DBF4B: variants seen among roughly 807,000 people sequenced by gnomAD.
The protein encoded by DBF4B is protein DBF4 homolog B.
Under a neutral mutation model 53.4 loss-of-function variants are expected in DBF4B, and 49 were observed. The observed-to-expected ratio is 0.92, with a 90% CI of 0.73 to 1.16. The LOEUF (loss-of-function observed/expected upper bound fraction) is 1.16, where lower values mean the gene tolerates loss of function less well. Ranked by LOEUF, DBF4B falls within the 50% of genes most tolerant of loss-of-function variation. The pLI is 0.00. For missense variants in DBF4B, 692 were observed against 775.0 expected (o/e 0.89, Z 1.27); for synonymous variants, 257 against 288.7 (o/e 0.89, Z 1.11).
chr17:44,713,871 T>C (rs1435721656), intron 2 of DBF4B, among the ~76,000 whole-genome samples: 1 of 152,166 alleles, frequency 6.6e-6, no homozygotes, highest in Non-Finnish European at 1.5e-5. Flanking sequence ...CTAGGCCTAT[T>C]GCACTGATTT....
intron 3 of DBF4B, among the ~76,000 whole-genome samples, chr17:44,726,242 G>T (rs927092426): frequency 3.3e-5 from 5 of 151,914 alleles, no homozygotes; most frequent in Non-Finnish European, 7.4e-5. Flanking sequence ...ACCCACCTCA[G>T]CCTCCCAAAG....
rs752916508 is a variant in DBF4B at position 44,747,398 on chromosome 17, A to G, written c.947A>G (p.Gln316Arg). 5 of 1,613,978 alleles carry G rather than the reference A, an allele frequency of 3.1e-6. No individual in the cohort carries two copies. The South Asian group carries it at 4.4e-5, about 14-fold the overall frequency. Residue 316 changes from glutamine (Q) to arginine (R), a missense_variant, in exon 12 of 14, where the codon CAG (glutamine) becomes CGG (arginine). Gln to Arg is a conservative substitution (Grantham distance 43). Transcript: ENST00000315005. Reference sequence around the variant, plus strand: ...CCTCTCCCCCGCCGGCAGCATCTTCAGAGTGCCCAGCACCGGAGCTTTGCC... The same window carrying G: ...CCTCTCCCCCGCCGGCAGCATCTTCGGAGTGCCCAGCACCGGAGCTTTGCC... Reference protein sequence around the residue: ...EAFEELHVHLQSAQHRSFALE... With the variant: ...EAFEELHVHLRSAQHRSFALE...
chr17:44,743,663 T>A (rs1567672264), intron 10 of DBF4B, among the ~76,000 whole-genome samples: 3 of 144,974 alleles, frequency 2.1e-5, no homozygotes. Context: ...TAGGCAGGAG[T>A]GCAGTGGCGT....
At chr17:44,723,931 G>A (rs946732729) in intron 3 of DBF4B, among the ~76,000 whole-genome samples, 3 of 152,014 alleles carry the variant, frequency 2.0e-5, no homozygotes, top group Non-Finnish European at 4.4e-5. Flanking sequence ...GCAACATGGC[G>A]AGAGCCCGTC....
intron 3 of DBF4B, among the ~76,000 whole-genome samples, chr17:44,725,131 A>C (rs1598792754): frequency 6.6e-6 from 1 of 151,706 alleles, no homozygotes; most frequent in African/African-American, 2.4e-5. Flanking sequence ...AAAAAAAAAA[A>C]AAAAAAAACA....
rs570175255 is a variant in DBF4B at position 44,740,375 on chromosome 17, G to T, written c.714-961G>T. 2.6e-5 allele frequency among the ~76,000 whole-genome samples: 4 copies of T among 152,204 alleles called. No individual in the cohort carries two copies. The South Asian group carries it at 8.3e-4, about 32-fold the overall frequency. Reference sequence around the variant, plus strand: ...ACCCGGCAGTTACCTCACTTGGCAGGGTTTGCGAAGTATACACAGATCACT... The same window carrying T: ...ACCCGGCAGTTACCTCACTTGGCAGTGTTTGCGAAGTATACACAGATCACT... On this transcript the variant is annotated intron_variant, in intron 9 of 13. Coordinates refer to ENST00000315005, the MANE Select transcript of DBF4B (RefSeq NM_145663.3).
intron 13 of DBF4B, 22 bp from the exon 14 acceptor site, chr17:44,750,573 C>T (rs369815575): frequency 8.5e-5 from 135 of 1,580,400 alleles, no homozygotes; most frequent in South Asian, 3.2e-4. Context: ...TGCCATATGT[C>T]GGTCCTTGAT....
At position 44,722,921 on chromosome 17, in the gene DBF4B, G is replaced by C; in HGVS notation, c.124G>C (p.Gly42Arg). The C allele has an allele frequency of 6.2e-7, 1 of 1,614,190 alleles. No homozygotes were observed. The highest frequency in any genetic ancestry group is 8.5e-7 in the Non-Finnish European group (1 of 1,180,026). The change falls in exon 3 of 14, where the codon GGT (glycine) becomes CGT (arginine). Residue 42 changes from glycine (G) to arginine (R), a missense_variant. Physicochemically the swap from Gly to Arg is moderately radical, Grantham distance 125. Coordinates refer to ENST00000315005, the MANE Select transcript of DBF4B (RefSeq NM_145663.3). ...CLGKCQKNSP[G>R]ARKHPFSGKS... is the part of the protein sequence containing the mutation. ...AGGAAAATGCCAGAAGAACTCACCAGGTGCCAGGAAGCATCCCTTTTCCGG... is the reference window on the plus strand; with the variant it reads ...AGGAAAATGCCAGAAGAACTCACCACGTGCCAGGAAGCATCCCTTTTCCGG...
At chr17:44,725,681 C>CTTTTTTTTTTTTTTTTTTTTTTTTTTT (rs1568172432) in intron 3 of DBF4B, among the ~76,000 whole-genome samples, 2 of 79,096 alleles carry the variant, frequency 2.5e-5, no homozygotes, top group African/African-American at 1.5e-4. Context: ...TTTTTTTGTG[C>CTTTTTTTTTTTTTTTTTTTTTTTTTTT]TTCTTTTTTT....
rs911159325 is a variant in DBF4B at position 44,749,183 on chromosome 17, C to T, written c.1189+718C>T. 1.2e-5 allele frequency: 16 copies of T among 1,289,690 alleles called. No homozygotes were observed. The highest frequency in any genetic ancestry group is 2.2e-4 in the Middle Eastern group (1 of 4,606). The allele number at this position is 1,289,690 out of a possible 1,614,324, so 79.9% of individuals were successfully genotyped here. ...CTCCTGCAGCCCCTGCCAGCCAGTGCGGGAGCCAGCTGTTCCCGATGCCTC... is the reference window on the plus strand; with the variant it reads ...CTCCTGCAGCCCCTGCCAGCCAGTGTGGGAGCCAGCTGTTCCCGATGCCTC... On this transcript the variant is annotated intron_variant, in intron 13 of 13. Transcript: ENST00000315005. This position sits in a 1 kb window ranked among gnomAD's most constrained non-coding sequence, Gnocchi z 4.4.
chr17:44,710,079 A>G (rs1274121334), intron 2 of DBF4B, among the ~76,000 whole-genome samples: 2 of 152,084 alleles, frequency 1.3e-5, no homozygotes, highest in Non-Finnish European at 2.9e-5. Context: ...AGGCTGAGGC[A>G]GGAAAATTGA....
chr17:44,748,577 T>A (rs1446905958), intron 13 of DBF4B, 112 bp downstream of exon 13: 5 of 1,550,240 alleles, frequency 3.2e-6, no homozygotes, highest in Non-Finnish European at 3.5e-6. Flanking sequence ...GGGGTGTCAG[T>A]TGATGTGTTT....
At chr17:44,731,941 C>T in intron 5 of DBF4B, 1 of 492,448 alleles carries the variant, frequency 2.0e-6, no homozygotes, top group Non-Finnish European at 3.7e-6. Flanking sequence ...GTGGCCAGAG[C>T]ACAATGTATA....
intron 10 of DBF4B, among the ~76,000 whole-genome samples, chr17:44,746,816 C>CAA (rs537023750): frequency 8.0e-5 from 10 of 124,922 alleles, no homozygotes; most frequent in African/African-American, 1.8e-4. Flanking sequence ...TAGACTCTCT[C>CAA]AAAAAAAAAA....
chr17:44,715,257 A>T (rs1328779526), intron 2 of DBF4B, among the ~76,000 whole-genome samples: 1 of 152,072 alleles, frequency 6.6e-6, no homozygotes, highest in Non-Finnish European at 1.5e-5. Flanking sequence ...CTGGAATGCA[A>T]TGGTGCAATC....
chr17:44,748,744 G>T, intron 13 of DBF4B: 1 of 1,352,930 alleles, frequency 7.4e-7, no homozygotes, highest in Non-Finnish European at 9.7e-7. Context: ...GAAGAGAGTG[G>T]GGGCCTCCTG....
In DBF4B at chr17:44,749,903, C is replaced by CG. The variant is rs2049235305; in HGVS notation, c.1190-691dup. 1 of 1,037,918 alleles carries CG rather than the reference C, an allele frequency of 9.6e-7. No homozygotes were observed. The allele number at this position is 1,037,918 out of a possible 1,614,324, so 64.3% of individuals were successfully genotyped here. ...CCCCTCCCCCAGCCCCCCACGCTCC[C>CG]GCACACAGATCCTCAGGAACATATG... On this transcript the variant is annotated intron_variant, in intron 13 of 13. Transcript: ENST00000315005. This position sits in a 1 kb window ranked among gnomAD's most constrained non-coding sequence, Gnocchi z 4.4.
intron 2 of DBF4B, among the ~76,000 whole-genome samples, chr17:44,709,726 G>A (rs1324795546): frequency 6.6e-6 from 1 of 152,084 alleles, no homozygotes; most frequent in Non-Finnish European, 1.5e-5. Context: ...AAGATTAACA[G>A]ACAGATGTGG....
chr17:44,748,550 C>A (rs984768669), intron 13 of DBF4B, 85 bp downstream of exon 13: 1 of 1,589,362 alleles, frequency 6.3e-7, no homozygotes, highest in Non-Finnish European at 8.6e-7. Flanking sequence ...GGACCTATAG[C>A]AAGCTGCCAG....
Sources: gnomAD v4.1 joint callset for allele counts (sites outside exome capture counted in the v4.1 genomes callset) on GRCh38, gnomAD v4.1.1 for gene constraint, Gnocchi (gnomAD v3.1) non-coding constraint, MANE v1.5 for transcripts, NCBI Gene and HGNC (gene_info 2026-07-23, HGNC 2026-07-21) for gene names.